LRRC56: variants seen among roughly 807,000 people sequenced by gnomAD.
The protein encoded by LRRC56 is leucine-rich repeat-containing protein 56.
LRRC56 carries 41 observed loss-of-function variants against 47.8 expected under a neutral mutation model. That is an observed-to-expected ratio of 0.86 (90% confidence interval 0.67 to 1.11). The LOEUF is 1.11. LRRC56 is among the 50% of genes most tolerant of loss of function. LRRC56 has a pLI of 0.00. For missense variants in LRRC56, 759 were observed against 704.2 expected, an observed-to-expected ratio of 1.08 and a Z score of -0.88; for synonymous variants, 387 against 311.2, an observed-to-expected ratio of 1.24 and a Z score of -2.56.
rs139684810 is a variant in LRRC56, at chr11:546,013, A to G, written c.326+1233A>G. Among the ~76,000 whole-genome samples, 158 of 152,332 alleles carry G rather than the reference A, an allele frequency of 1.0e-3. 6 individuals carry two copies. The East Asian group carries it at 0.026, about 25-fold the overall frequency. ...GGGCCGGGCACGGTGTCTCACGCCTATAATCCCAGAACTTTGGGAGGCCGA... is the reference window on the plus strand; with the variant it reads ...GGGCCGGGCACGGTGTCTCACGCCTGTAATCCCAGAACTTTGGGAGGCCGA... On this transcript the variant is annotated intron_variant, in intron 6 of 13. Coordinates refer to ENST00000270115, the MANE Select transcript of LRRC56 (RefSeq NM_198075.4).
chr11:521,871 C>T, the LRRC56 span, among the ~76,000 whole-genome samples: 46 of 151,528 alleles, frequency 3.0e-4, no homozygotes, highest in Admixed American at 2.7e-3. Context: ...GCCGAGATCA[C>T]GCCACTGCAC....
At chr11:547,296 T>C (rs1852133627) in intron 6 of LRRC56, among the ~76,000 whole-genome samples, 1 of 149,302 alleles carries the variant, frequency 6.7e-6, no homozygotes, top group Admixed American at 6.7e-5. Flanking sequence ...GTAAATGATA[T>C]TCTAATGGAG....
intron 6 of LRRC56, among the ~76,000 whole-genome samples, chr11:545,570 T>C (rs541911330): frequency 1.4e-5 from 2 of 145,322 alleles, no homozygotes; most frequent in East Asian, 2.0e-4. Context: ...AGACGGCAGC[T>C]CCCGGGAGAG....
At chr11:544,669 G>T (rs1355003466) in intron 5 of LRRC56, 51 bp from the exon 6 acceptor site, 2 of 1,588,112 alleles carry the variant, frequency 1.3e-6, no homozygotes, top group Non-Finnish European at 1.7e-6. Context: ...AGGGTGCAGA[G>T]GTGGGCGGGG....
the LRRC56 span, among the ~76,000 whole-genome samples, chr11:520,538 C>G: frequency 3.3e-5 from 5 of 152,070 alleles, no homozygotes; most frequent in Admixed American, 6.6e-5. Context: ...AGGCTGGTCT[C>G]AAACTCCTGG....
At chr11:523,661 G>A in the LRRC56 span, among the ~76,000 whole-genome samples, 4 of 150,926 alleles carry the variant, frequency 2.7e-5, no homozygotes, top group South Asian at 2.1e-4. Context: ...GGCCGGGCGC[G>A]GTGGCTCACG....
At position 541,567 on chromosome 11, in the gene LRRC56, C is replaced by T; in HGVS notation, c.208C>T (p.Leu70=). The stretch of plus-strand genomic sequence containing the variant: ...CCTGGCCCGGGTGGATGACCTTCGG[C>T]TGGTGAGGACGCTGGAGATGTGTGT... The part of the protein sequence containing the change: ...QALARVDDLR[L]VRTLEMCVDT... Residue 70 remains leucine, a synonymous_variant, in exon 5 of 14, where the codon CTG becomes TTG. Transcript: ENST00000270115. This position sits in a 1 kb window ranked among gnomAD's most constrained non-coding sequence, Gnocchi z 4.1. 1 of 1,587,162 alleles carries T rather than the reference C, an allele frequency of 6.3e-7. No homozygotes were observed. Among genetic ancestry groups the T allele is most frequent in the Non-Finnish European group, 8.6e-7 (1 of 1,165,176 alleles).
upstream of LRRC56, among the ~76,000 whole-genome samples, chr11:535,858 C>G (rs922657407): frequency 1.3e-5 from 2 of 152,128 alleles, no homozygotes; most frequent in Non-Finnish European, 2.9e-5. Context: ...GGGCCCCGGG[C>G]TCTCCCGGGA....
the LRRC56 span, among the ~76,000 whole-genome samples, chr11:508,163 C>T: frequency 6.6e-6 from 1 of 152,190 alleles, no homozygotes; most frequent in Admixed American, 6.5e-5. Context: ...CTCTGACTGC[C>T]TTTATTAGGT....
At position 554,651 on chromosome 11, in the gene LRRC56, C is replaced by G; in HGVS notation, c.*375C>G. 2.5e-6 allele frequency: 1 copy of G among 406,342 alleles called. No individual in the cohort carries two copies. 25.2% of individuals were successfully genotyped at this position (406,342 alleles called of 1,614,324 possible). ...GGGCTGGAGCTGCGAGTCCACCACT[C>G]CCTTGCCGGCCCCAGGGTAAGAGCC... On this transcript the variant is annotated 3_prime_UTR_variant, in exon 14 of 14. Coordinates refer to ENST00000270115, the MANE Select transcript of LRRC56 (RefSeq NM_198075.4).
chr11:534,488 G>A (rs1377599694), upstream of LRRC56: 15 of 625,780 alleles, frequency 2.4e-5, no homozygotes, highest in Non-Finnish European at 3.9e-5. Context: ...GGGCCCCAAC[G>A]CCAGGCAGCA....
the LRRC56 span, among the ~76,000 whole-genome samples, chr11:518,283 G>A: frequency 6.6e-5 from 10 of 151,930 alleles, 1 homozygote; most frequent in South Asian, 1.7e-3. Flanking sequence ...CCGGGTTCAC[G>A]CCATTCTCCT....
At chr11:532,216 G>C in the LRRC56 span, 2 of 371,782 alleles carry the variant, frequency 5.4e-6, no homozygotes, top group African/African-American at 4.0e-5. Context: ...CGCGCACCGT[G>C]TCCCACCCTC....
At chr11:542,813 G>A (rs74761084) in intron 5 of LRRC56, among the ~76,000 whole-genome samples, 28 of 152,100 alleles carry the variant, frequency 1.8e-4, no homozygotes, top group East Asian at 9.6e-4. Flanking sequence ...AATGCAGTGC[G>A]ATGGCCAAAG....
chr11:532,480 C>T, the LRRC56 span: 5 of 1,005,912 alleles, frequency 5.0e-6, no homozygotes, highest in South Asian at 1.5e-5. Context: ...CTTCCGTCTG[C>T]ACCTCCTTCC....
Position 544,794 on chromosome 11 carries a change from G to C in LRRC56, c.326+14G>C, listed in dbSNP as rs373516944. On this transcript the variant is annotated intron_variant, in intron 6 of 13. Transcript: ENST00000270115. ...GGGCTCCCTGAGGTGAGCGCCTGAG[G>C]GGGGTGGGCTGGGGCCCTGCCATGA... 5.6e-6 allele frequency: 9 copies of C among 1,611,750 alleles called. No homozygotes were observed. Among genetic ancestry groups the C allele is most frequent in the Middle Eastern group, 3.3e-4 (2 of 6,080 alleles).
rs372922076 is a variant in LRRC56 at position 540,850 on chromosome 11, C to T, written c.166C>T (p.Pro56Ser). Residue 56 changes from proline (P) to serine (S), a missense_variant, in exon 4 of 14, where the codon CCT (proline) becomes TCT (serine). Transcript: ENST00000270115. ...GCAGCTGGTGGAAGAGTACCTGTCC[C>T]CTGCCCGGCTGGTGAGTGTGGGCGC... ...GEQLVEEYLS[P>S]ARLQALARVD... 1.2e-4 allele frequency: 192 copies of T among 1,562,680 alleles called. No homozygotes were observed. The highest frequency in any genetic ancestry group is 1.5e-4 in the Non-Finnish European group (178 of 1,153,690).
chr11:542,216 A>G (rs1851829530), intron 5 of LRRC56, among the ~76,000 whole-genome samples: 1 of 150,050 alleles, frequency 6.7e-6, no homozygotes, highest in South Asian at 2.1e-4. Flanking sequence ...CCACGCCAGT[A>G]CCCCCGGCAC....
intron 5 of LRRC56, among the ~76,000 whole-genome samples, chr11:544,074 G>A (rs1390433358): frequency 2.0e-5 from 3 of 152,198 alleles, no homozygotes; most frequent in Admixed American, 6.5e-5. Context: ...CACAATGCAG[G>A]GATTCTGTCT....
Sources: allele counts gnomAD v4.1 joint callset (sites outside exome capture counted in the v4.1 genomes callset), GRCh38; gene constraint gnomAD v4.1.1; non-coding constraint Gnocchi (gnomAD v3.1); transcripts MANE v1.5; gene names NCBI Gene and HGNC (gene_info 2026-07-23, HGNC 2026-07-21).